The following EYA4 variants were observed in gnomAD, a reference collection of about 807,000 sequenced individuals.
EYA4 encodes the protein EYA transcriptional coactivator and phosphatase 4.
EYA4 carries 31 observed loss-of-function variants against 87.9 expected under a neutral mutation model. The observed-to-expected ratio is 0.35, with a 90% confidence interval of 0.27 to 0.48. The LOEUF (loss-of-function observed/expected upper bound fraction) is 0.48. EYA4 is among the 20% of genes least tolerant of loss of function. The pLI is 0.99. For missense variants in EYA4, 678 were observed against 761.4 expected (o/e 0.89, Z 1.29); for synonymous variants, 263 against 270.6 (o/e 0.97, Z 0.28).
intron 3 of EYA4, among the ~76,000 whole-genome samples, chr6:133,403,453 G>A (rs890000531): frequency 4.6e-5 from 7 of 152,062 alleles, no homozygotes; most frequent in African/African-American, 1.7e-4. Flanking sequence ...TTCTCATTTT[G>A]CTCTAAATGC....
intron 14 of EYA4, 33 bp from the exon 15 acceptor site, chr6:133,512,688 G>T: frequency 6.5e-7 from 1 of 1,537,372 alleles, no homozygotes; most frequent in Non-Finnish European, 9.0e-7. Context: ...GCATCATTTA[G>T]AAAACAAATA....
intron 2 of EYA4, among the ~76,000 whole-genome samples, chr6:133,361,369 A>G (rs1211288745): frequency 1.3e-5 from 2 of 152,204 alleles, no homozygotes; most frequent in African/African-American, 4.8e-5. Context: ...CTGCAATACA[A>G]TCAATTGCAT....
At chr6:133,400,919 A>AT (rs918126830) in intron 3 of EYA4, among the ~76,000 whole-genome samples, 1 of 152,140 alleles carries the variant, frequency 6.6e-6, no homozygotes, top group Non-Finnish European at 1.5e-5. Flanking sequence ...AGCAGCTTTG[A>AT]TTTTGGAATG....
At chr6:133,357,126 C>T (rs991795106) in intron 2 of EYA4, among the ~76,000 whole-genome samples, 31 of 151,832 alleles carry the variant, frequency 2.0e-4, no homozygotes, top group African/African-American at 6.8e-4. Context: ...AAAAAATTAG[C>T]CGGGCTTCGT....
At chr6:133,358,024 T>G (rs1315748608) in intron 2 of EYA4, among the ~76,000 whole-genome samples, 1 of 152,154 alleles carries the variant, frequency 6.6e-6, no homozygotes, top group Non-Finnish European at 1.5e-5. Context: ...ATATTTTCCT[T>G]TATGGTTTGA....
chr6:133,278,862 AT>A (rs1777399226), intron 2 of EYA4, among the ~76,000 whole-genome samples: 1 of 152,204 alleles, frequency 6.6e-6, no homozygotes, highest in African/African-American at 2.4e-5. Flanking sequence ...GGTTTAAGTT[AT>A]AGCCAGTTAC....
At chr6:133,383,544 A>AAAAAAAAAG (rs1786436289) in intron 3 of EYA4, among the ~76,000 whole-genome samples, 1 of 150,808 alleles carries the variant, frequency 6.6e-6, no homozygotes, top group Non-Finnish European at 1.5e-5. Flanking sequence ...AAAAAAAAAA[A>AAAAAAAAAG]ATGTAATGGC....
chr6:133,484,985 G>A (rs1220815193), intron 13 of EYA4, among the ~76,000 whole-genome samples: 4 of 152,132 alleles, frequency 2.6e-5, no homozygotes, highest in African/African-American at 7.2e-5. Flanking sequence ...GACCCAAGGC[G>A]GTGAATAAGG....
intron 3 of EYA4, among the ~76,000 whole-genome samples, chr6:133,433,427 A>C (rs959133283): frequency 6.6e-6 from 1 of 152,218 alleles, no homozygotes; most frequent in African/African-American, 2.4e-5. Context: ...AACTGATATA[A>C]ATCTGGAGGT....
At chr6:133,419,739 A>G (rs1378451620) in intron 3 of EYA4, among the ~76,000 whole-genome samples, 1 of 152,192 alleles carries the variant, frequency 6.6e-6, no homozygotes, top group Non-Finnish European at 1.5e-5. Flanking sequence ...AAAACAGTGC[A>G]ACACAATGCA....
chr6:133,400,473 A>G (rs974560843), intron 3 of EYA4, among the ~76,000 whole-genome samples: 6 of 151,362 alleles, frequency 4.0e-5, no homozygotes, highest in African/African-American at 7.3e-5. Context: ...GCACCACTGA[A>G]CTCTAGCTTG....
chr6:133,316,952 C>T (rs1464728187), intron 2 of EYA4, among the ~76,000 whole-genome samples: 2 of 152,128 alleles, frequency 1.3e-5, no homozygotes, highest in South Asian at 2.1e-4. Context: ...AGAAGCCTTC[C>T]TTCGGCCTGC....
intron 3 of EYA4, among the ~76,000 whole-genome samples, chr6:133,418,771 T>G (rs1789968092): frequency 6.6e-6 from 1 of 152,172 alleles, no homozygotes; most frequent in South Asian, 2.1e-4. Context: ...CAAATAGATA[T>G]GAGGGATCTA....
chr6:133,379,197 G>C (rs1785962820), intron 2 of EYA4, among the ~76,000 whole-genome samples: 1 of 152,008 alleles, frequency 6.6e-6, no homozygotes, highest in Admixed American at 6.6e-5. Flanking sequence ...GCTTACACTA[G>C]GGAGTTTGAG....
intron 1 of EYA4, among the ~76,000 whole-genome samples, chr6:133,242,463 C>T (rs1420878369): frequency 1.3e-5 from 2 of 152,140 alleles, no homozygotes; most frequent in Admixed American, 1.3e-4. Flanking sequence ...CCATGGAAGG[C>T]TTATAACTTC....
At chr6:133,313,565 A>C (rs969720377) in intron 2 of EYA4, among the ~76,000 whole-genome samples, 1 of 152,202 alleles carries the variant, frequency 6.6e-6, no homozygotes. Flanking sequence ...TGAAATATAA[A>C]ATCTGTGCGA....
intron 11 of EYA4, among the ~76,000 whole-genome samples, chr6:133,476,596 G>A (rs75931471): frequency 0.017 from 2,645 of 152,000 alleles, 41 homozygotes; most frequent in Non-Finnish European, 0.028. Context: ...CTTTTTTAAG[G>A]CCAAACATTA....
chr6:133,321,502 G>A (rs1280436318), intron 2 of EYA4, among the ~76,000 whole-genome samples: 1 of 152,088 alleles, frequency 6.6e-6, no homozygotes, highest in African/African-American at 2.4e-5. Flanking sequence ...ATTTCTGCCA[G>A]TTGTTGTTTG....
chr6:133,472,283 G>T (rs1276344697), intron 11 of EYA4, among the ~76,000 whole-genome samples: 4 of 83,968 alleles, frequency 4.8e-5, no homozygotes, highest in African/African-American at 2.4e-4. Flanking sequence ...CAGAGATTCT[G>T]GTATGTGGTG....
Sources: allele counts gnomAD v4.1 joint callset (sites outside exome capture counted in the v4.1 genomes callset), GRCh38; gene constraint gnomAD v4.1.1; transcripts MANE v1.5; gene names NCBI Gene and HGNC (gene_info 2026-07-23, HGNC 2026-07-21).